Variants in CAND2 observed in about 807,000 individuals in gnomAD.
CAND2 encodes cullin-associated NEDD8-dissociated protein 2.
In CAND2, 62 loss-of-function variants were observed where a neutral mutation model predicts 98.9. The ratio of observed to expected loss-of-function variants is 0.63; its 90% CI spans 0.51 to 0.77. The LOEUF (loss-of-function observed/expected upper bound fraction) is 0.77. Among genes scored for constraint, CAND2 ranks in the 30% least tolerant of loss-of-function variants. CAND2 has a pLI of 0.00. For synonymous variants in CAND2, 770 were observed against 731.9 expected (o/e 1.05, Z -0.84); for missense variants, 1,501 against 1,655.2 (o/e 0.91, Z 1.62).
At chr3:12,802,988 C>CGTT (rs1553636841) in intron 1 of CAND2, among the ~76,000 whole-genome samples, 6 of 127,402 alleles carry the variant, frequency 4.7e-5, no homozygotes, top group African/African-American at 1.2e-4. Context: ...CCATTAAAAT[C>CGTT]TTTTTTTTTT....
intron 10 of CAND2, among the ~76,000 whole-genome samples, chr3:12,818,149 C>T (rs187539564): frequency 1.2e-4 from 19 of 152,046 alleles, no homozygotes; most frequent in Admixed American, 4.6e-4. Context: ...GTTGGCTAGG[C>T]ATGGTGGCAC....
rs763436605 is a variant in CAND2, at chr3:12,815,951, G to A, written c.1384G>A (p.Glu462Lys). The stretch of plus-strand genomic sequence containing the variant: ...CCAGGGATGCTTCAGCCTCCTCACC[G>A]AGCTGGCGGGTGTCCTCCCAGGCAG... ...ARQGCFSLLT[E>K]LAGVLPGSLA... Residue 462 changes from glutamate (E) to lysine (K), a missense_variant, in exon 9 of 15, where the codon GAG (glutamate) becomes AAG (lysine). By Grantham distance (56) the Glu-to-Lys change is moderately conservative. Around this residue, in one of 3 missense-constraint regions of CAND2, gnomAD observed 1,427 missense variants for 1,545.3 expected, o/e 0.92. Transcript: ENST00000456430. This position sits in a 1 kb window ranked among gnomAD's most constrained non-coding sequence, Gnocchi z 5.7. 8.7e-6 allele frequency: 14 copies of A among 1,613,768 alleles called. No individual in the cohort carries two copies. Among genetic ancestry groups the A allele is most frequent in the African/African-American group, 1.3e-5 (1 of 74,918 alleles).
chr3:12,812,449 C>G lies in CAND2; in HGVS notation c.758-541C>G, dbSNP rs57875112. Among the ~76,000 whole-genome samples, 5 of 119,732 alleles carry G rather than the reference C, an allele frequency of 4.2e-5. 1 individual carries two copies. Among genetic ancestry groups the G allele is most frequent in the Non-Finnish European group, 8.1e-5 (5 of 61,754 alleles). 78.5% of individuals were successfully genotyped at this position (119,732 alleles called of 152,430 possible). On this transcript the variant is annotated intron_variant, in intron 5 of 14. Coordinates refer to ENST00000456430, the MANE Select transcript of CAND2 (RefSeq NM_001162499.2). ...GTCTCGCTCTGTCGCCCAGGCCAGACTGCGGACTGCAGTGGCGCAATCTCG... is the reference window on the plus strand; with the variant it reads ...GTCTCGCTCTGTCGCCCAGGCCAGAGTGCGGACTGCAGTGGCGCAATCTCG...
At chr3:12,813,409 TG>T in intron 7 of CAND2, 21 bp downstream of exon 7, 1 of 1,608,368 alleles carries the variant, frequency 6.2e-7, no homozygotes, top group Non-Finnish European at 8.5e-7. Context: ...AGCCCATCAT[TG>T]GGGTTGGAGG....
At chr3:12,820,207 A>G (rs1174157324) in intron 11 of CAND2, 26 bp downstream of exon 11, 1 of 1,570,212 alleles carries the variant, frequency 6.4e-7, no homozygotes, top group East Asian at 2.2e-5. Flanking sequence ...TTGCCCCTCC[A>G]CCTTGTTCAG....
chr3:12,809,280 T>C (rs751037317), intron 4 of CAND2, among the ~76,000 whole-genome samples: 4 of 151,958 alleles, frequency 2.6e-5, no homozygotes, highest in Non-Finnish European at 4.4e-5. Context: ...AACTTGAGGC[T>C]CCTGGGAGGC....
At chr3:12,823,254 G>C (rs1306430026) in intron 11 of CAND2, among the ~76,000 whole-genome samples, 17 of 150,288 alleles carry the variant, frequency 1.1e-4, no homozygotes, top group African/African-American at 4.0e-4. Flanking sequence ...AAGCTGGGTG[G>C]TTATGTGGAT....
intron 5 of CAND2, among the ~76,000 whole-genome samples, chr3:12,812,016 A>G (rs1368471585): frequency 4.0e-5 from 6 of 151,480 alleles, no homozygotes; most frequent in African/African-American, 7.3e-5. Flanking sequence ...GGTTCAAGCA[A>G]TTCTGCCTCA....
intron 2 of CAND2, among the ~76,000 whole-genome samples, chr3:12,805,274 T>TTTCTTTTTTTTTTC: frequency 6.8e-6 from 1 of 147,948 alleles, no homozygotes; most frequent in African/African-American, 2.5e-5. Context: ...GTGGCAAGAT[T>TTTCTTTTTTTTTTC]TTCTTTTTTT....
At chr3:12,797,737 CTG>C (rs34754002) in intron 1 of CAND2, among the ~76,000 whole-genome samples, 84,451 of 151,570 alleles carry the variant, frequency 0.56, 24,544 homozygotes, top group African/African-American at 0.71. Flanking sequence ...GATAGGGAAA[CTG>C]AGTCTCAGAG....
At chr3:12,813,184 G>T in intron 6 of CAND2, 62 bp from the exon 7 acceptor site, 4 of 1,598,214 alleles carry the variant, frequency 2.5e-6, no homozygotes, top group Non-Finnish European at 3.4e-6. Context: ...CTCCCATTGG[G>T]CCCTGTCCCC....
At chr3:12,821,598 A>G (rs913640049) in intron 11 of CAND2, among the ~76,000 whole-genome samples, 11 of 152,148 alleles carry the variant, frequency 7.2e-5, no homozygotes, top group Non-Finnish European at 1.5e-4. Flanking sequence ...GATTTCCTCC[A>G]TTGTAACGGA....
intron 9 of CAND2, 104 bp downstream of exon 9, chr3:12,816,112 A>G: frequency 8.2e-7 from 1 of 1,213,248 alleles, no homozygotes; most frequent in South Asian, 1.4e-5. Flanking sequence ...CTGAGACCCA[A>G]TCCCAGGCTC....
At chr3:12,799,663 G>C (rs565379294) in intron 1 of CAND2, among the ~76,000 whole-genome samples, 1 of 152,290 alleles carries the variant, frequency 6.6e-6, no homozygotes, top group Admixed American at 6.5e-5. Context: ...GTTCTTTGTT[G>C]AGCCTGGAGT....
Position 12,803,587 on chromosome 3 carries a change from C to T in CAND2, c.168C>T (p.Leu56=). Reference sequence around the variant, plus strand: ...AGGTGGTGAAGATGCTGCTCCGGCTCCTGGAGGACAAGAACGGTGAGGTGC... The same window carrying T: ...AGGTGGTGAAGATGCTGCTCCGGCTTCTGGAGGACAAGAACGGTGAGGTGC... ...ERKVVKMLLR[L]LEDKNGEVQN... Residue 56 remains leucine, a synonymous_variant, in exon 2 of 15, where the codon CTC becomes CTT. Transcript: ENST00000456430. The T allele has an allele frequency of 6.2e-7, 1 of 1,613,060 alleles. No individual in the cohort carries two copies. The highest frequency in any genetic ancestry group is 2.2e-5 in the East Asian group (1 of 44,798).
Position 12,827,615 on chromosome 3 carries a change from G to T in CAND2, c.3375+11G>T. The T allele has an allele frequency of 6.3e-7, 1 of 1,598,046 alleles. No individual in the cohort carries two copies. Among genetic ancestry groups the T allele is most frequent in the South Asian group, 1.1e-5 (1 of 89,050 alleles). Reference sequence around the variant, plus strand: ...CACTACGACATCCGGGTAAGACCAAGCCCCCTGCCAGATCTATGTGCCCCT... The same window carrying T: ...CACTACGACATCCGGGTAAGACCAATCCCCCTGCCAGATCTATGTGCCCCT... On this transcript the variant is annotated intron_variant, in intron 13 of 14. Transcript: ENST00000456430.
At chr3:12,800,743 T>G (rs771655794) in intron 1 of CAND2, among the ~76,000 whole-genome samples, 1 of 152,180 alleles carries the variant, frequency 6.6e-6, no homozygotes, top group Non-Finnish European at 1.5e-5. Flanking sequence ...TTTTGTTTTT[T>G]TTTGAGTCTC....
At chr3:12,818,532 C>T (rs570013118) in intron 10 of CAND2, among the ~76,000 whole-genome samples, 1 of 152,294 alleles carries the variant, frequency 6.6e-6, no homozygotes, top group Admixed American at 6.5e-5. Flanking sequence ...TTTTGGCACA[C>T]CAGGTGTCTT....
chr3:12,816,258 A>G, intron 9 of CAND2, 116 bp from the exon 10 acceptor site: 1 of 1,072,994 alleles, frequency 9.3e-7, no homozygotes, highest in Non-Finnish European at 1.4e-6. Context: ...CTTCTGCAGA[A>G]GAGTTTAGGT....
Sources: gnomAD v4.1 joint callset for allele counts (sites outside exome capture counted in the v4.1 genomes callset) on GRCh38, gnomAD v4.1.1 for gene constraint, gnomAD v4.1.1 regional missense constraint, Gnocchi (gnomAD v3.1) non-coding constraint, MANE v1.5 for transcripts, NCBI Gene and HGNC (gene_info 2026-07-23, HGNC 2026-07-21) for gene names.